The following MAD1L1 variants were observed in gnomAD, a reference collection of about 807,000 sequenced individuals.
MAD1L1 encodes mitotic spindle assembly checkpoint protein MAD1.
MAD1L1 carries 95 observed loss-of-function variants against 96.9 expected under a neutral mutation model. The observed-to-expected ratio is 0.98, with a 90% CI of 0.83 to 1.16. MAD1L1 has a LOEUF of 1.16. Among genes scored for constraint, MAD1L1 ranks in the 50% most tolerant of loss-of-function variants. The pLI, the probability that MAD1L1 is intolerant of heterozygous loss-of-function variation, is 0.00. For missense variants in MAD1L1, 1,007 were observed against 954.4 expected, an observed-to-expected ratio of 1.06 and a Z score of -0.73; for synonymous variants, 473 against 396.6, an observed-to-expected ratio of 1.19 and a Z score of -2.29.
chr7:2,227,716 C>T (rs1180540831), intron 3 of MAD1L1, among the ~76,000 whole-genome samples: 5 of 152,178 alleles, frequency 3.3e-5, no homozygotes, highest in Admixed American at 2.6e-4. Context: ...GCTGTTTGGG[C>T]GTTCCTAAGA....
intron 11 of MAD1L1, among the ~76,000 whole-genome samples, chr7:2,129,282 G>T (rs978910826): frequency 6.6e-6 from 1 of 152,230 alleles, no homozygotes; most frequent in African/African-American, 2.4e-5. Flanking sequence ...AGAACAAGAC[G>T]CCTGGAAGAG....
At chr7:1,917,474 C>T (rs1788483074) in intron 17 of MAD1L1, among the ~76,000 whole-genome samples, 2 of 152,220 alleles carry the variant, frequency 1.3e-5, no homozygotes, top group African/African-American at 2.4e-5. Context: ...CGCCCCTCTC[C>T]GCCCTCAGCA....
At chr7:1,888,891 C>T (rs541679587) in intron 18 of MAD1L1, among the ~76,000 whole-genome samples, 38 of 152,276 alleles carry the variant, frequency 2.5e-4, no homozygotes, top group African/African-American at 7.2e-4. Context: ...GCCTAGGACA[C>T]GAGAGGTCGA....
In MAD1L1 at chr7:2,172,566, G is replaced by A. The variant is rs551708766; in HGVS notation, c.987-23328C>T. Among the ~76,000 whole-genome samples, 114 of 152,364 alleles carry A rather than the reference G, an allele frequency of 7.5e-4. 1 individual carries two copies. Among genetic ancestry groups the A allele is most frequent in the African/African-American group, 2.5e-3 (106 of 41,590 alleles). On this transcript the variant is annotated intron_variant, in intron 10 of 18. Transcript: ENST00000265854. ...CCAGAACAGAAAACGGGAGGGCGCCGCCGCCAGGACGGGGCAGCCCAGGCG... is the reference window on the plus strand; with the variant it reads ...CCAGAACAGAAAACGGGAGGGCGCCACCGCCAGGACGGGGCAGCCCAGGCG...
At chr7:1,930,808 C>A (rs912729162) in intron 17 of MAD1L1, among the ~76,000 whole-genome samples, 1 of 152,042 alleles carries the variant, frequency 6.6e-6, no homozygotes, top group South Asian at 2.1e-4. Flanking sequence ...CAGTGACAGG[C>A]CTGCCATCTG....
intron 15 of MAD1L1, among the ~76,000 whole-genome samples, chr7:1,967,493 G>C (rs1359293877): frequency 2.0e-5 from 3 of 152,200 alleles, no homozygotes. Flanking sequence ...TAAAAGGACA[G>C]AAATATTTAC....
intron 15 of MAD1L1, among the ~76,000 whole-genome samples, chr7:1,979,838 G>A (rs1044086052): frequency 2.6e-4 from 39 of 152,310 alleles, no homozygotes; most frequent in Non-Finnish European, 5.1e-4. Flanking sequence ...CAGCCCCTGC[G>A]GCTGCAGACC....
intron 11 of MAD1L1, among the ~76,000 whole-genome samples, chr7:2,121,611 C>T (rs1390294369): frequency 6.6e-6 from 1 of 152,188 alleles, no homozygotes; most frequent in Admixed American, 6.5e-5. Flanking sequence ...CTGCAGATCA[C>T]GGCATCCTGG....
chr7:1,945,082 G>A (rs879870590), intron 16 of MAD1L1, among the ~76,000 whole-genome samples: 24 of 152,146 alleles, frequency 1.6e-4, no homozygotes, highest in Non-Finnish European at 2.9e-4. Flanking sequence ...TGGGGGCTGC[G>A]AAGGGCCAGG....
At chr7:2,129,453 C>T (rs1340253969) in intron 11 of MAD1L1, among the ~76,000 whole-genome samples, 5 of 152,240 alleles carry the variant, frequency 3.3e-5, no homozygotes, top group Non-Finnish European at 7.3e-5. Context: ...TCCTGCTAGG[C>T]AGCGCCCCTC....
chr7:2,121,166 C>A (rs770816211), intron 11 of MAD1L1, among the ~76,000 whole-genome samples: 1 of 152,372 alleles, frequency 6.6e-6, no homozygotes, highest in Middle Eastern at 3.4e-3. Flanking sequence ...CTCTGGGGCC[C>A]TTCCCGCCTG....
chr7:1,992,199 A>G, intron 14 of MAD1L1, among the ~76,000 whole-genome samples: 2 of 151,402 alleles, frequency 1.3e-5, no homozygotes, highest in Admixed American at 6.6e-5. Flanking sequence ...GTGCCTGAGC[A>G]CCTGCCCCAC....
intron 17 of MAD1L1, among the ~76,000 whole-genome samples, chr7:1,932,098 C>CTG (rs1789512733): frequency 6.6e-6 from 1 of 152,268 alleles, no homozygotes; most frequent in African/African-American, 2.4e-5. Context: ...GCACCAGGTT[C>CTG]TGTCCTAGAA....
intron 11 of MAD1L1, among the ~76,000 whole-genome samples, chr7:2,074,041 C>T (rs761808622): frequency 3.3e-5 from 5 of 152,192 alleles, no homozygotes; most frequent in Non-Finnish European, 5.9e-5. Flanking sequence ...CTGTGGAATG[C>T]TCGCCAAGAA....
chr7:1,892,716 G>T (rs1473992978), intron 18 of MAD1L1, among the ~76,000 whole-genome samples: 1 of 152,200 alleles, frequency 6.6e-6, no homozygotes, highest in Non-Finnish European at 1.5e-5. Context: ...TGTTTGTGCA[G>T]TTCCGGAATC....
intron 3 of MAD1L1, among the ~76,000 whole-genome samples, chr7:2,226,983 T>C (rs1233413287): frequency 1.4e-5 from 2 of 142,574 alleles, no homozygotes; most frequent in Non-Finnish European, 3.0e-5. Context: ...CAAGAGTTCG[T>C]CTCAAAAAAA....
At chr7:1,942,676 G>A (rs757316508) in intron 16 of MAD1L1, among the ~76,000 whole-genome samples, 5 of 152,278 alleles carry the variant, frequency 3.3e-5, no homozygotes, top group African/African-American at 4.8e-5. Context: ...CCCATGTCTC[G>A]GATCAGAAGA....
chr7:1,839,291 C>A (rs569361601), intron 18 of MAD1L1, among the ~76,000 whole-genome samples: 1 of 152,124 alleles, frequency 6.6e-6, no homozygotes, highest in Admixed American at 6.5e-5. Context: ...AGGACAGACA[C>A]TCGGGGTCCC....
chr7:2,094,106 G>T (rs893950533), intron 11 of MAD1L1, among the ~76,000 whole-genome samples: 1 of 152,222 alleles, frequency 6.6e-6, no homozygotes, highest in African/African-American at 2.4e-5. Context: ...GGGAGCACAC[G>T]CCCAGCCATG....
Sources: allele counts gnomAD v4.1 joint callset (sites outside exome capture counted in the v4.1 genomes callset), GRCh38; gene constraint gnomAD v4.1.1; transcripts MANE v1.5; gene names NCBI Gene and HGNC (gene_info 2026-07-23, HGNC 2026-07-21).